The following ADGRL2 variants were observed in gnomAD, a reference collection of about 807,000 sequenced individuals.
The protein encoded by ADGRL2 is adhesion G protein-coupled receptor L2.
Under a neutral mutation model 157.4 loss-of-function variants are expected in ADGRL2, and 44 were observed. That is an observed-to-expected ratio of 0.28 (90% confidence interval 0.22 to 0.36). The LOEUF is 0.36. Among genes scored for constraint, ADGRL2 ranks in the 10% least tolerant of loss-of-function variants. The pLI is 1.00. For synonymous variants in ADGRL2, 585 were observed against 624.7 expected, an observed-to-expected ratio of 0.94 and a Z score of 0.95; for missense variants, 1,510 against 1,768.9, an observed-to-expected ratio of 0.85 and a Z score of 2.63.
At chr1:81,521,915 T>C (rs1432606015) in intron 2 of ADGRL2, among the ~76,000 whole-genome samples, 2 of 152,142 alleles carry the variant, frequency 1.3e-5, no homozygotes, top group Non-Finnish European at 2.9e-5. Context: ...TGAGAAGATA[T>C]CGTCATTGGC....
At chr1:81,691,875 T>G (rs2083342243) in intron 3 of ADGRL2, among the ~76,000 whole-genome samples, 1 of 138,980 alleles carries the variant, frequency 7.2e-6, no homozygotes, top group Admixed American at 7.5e-5. Flanking sequence ...TGGGTGTGTG[T>G]GTGTGTATAT....
intron 7 of ADGRL2, 103 bp downstream of exon 7, chr1:81,950,585 T>C (rs1651460634): frequency 3.6e-6 from 4 of 1,108,334 alleles, no homozygotes; most frequent in Admixed American, 5.0e-5. Context: ...TTACAGTAGC[T>C]AACTTTATTT....
At chr1:81,580,574 T>C (rs910604762) in intron 2 of ADGRL2, among the ~76,000 whole-genome samples, 3 of 152,088 alleles carry the variant, frequency 2.0e-5, no homozygotes, top group Admixed American at 1.3e-4. Context: ...ATATGGTCTA[T>C]GTTAAAGGAG....
chr1:81,593,675 A>C (rs568403668), intron 3 of ADGRL2, among the ~76,000 whole-genome samples: 1 of 152,168 alleles, frequency 6.6e-6, no homozygotes, highest in African/African-American at 2.4e-5. Flanking sequence ...AGAATAGTCT[A>C]CCGTCAGCAA....
chr1:81,917,411 T>G (rs1318780919), intron 3 of ADGRL2, among the ~76,000 whole-genome samples: 3 of 152,182 alleles, frequency 2.0e-5, no homozygotes, highest in Non-Finnish European at 4.4e-5. Context: ...TTTAAGTATA[T>G]TATAGCAATG....
intron 2 of ADGRL2, among the ~76,000 whole-genome samples, chr1:81,445,602 T>A (rs1347541522): frequency 6.6e-6 from 1 of 152,210 alleles, no homozygotes; most frequent in Non-Finnish European, 1.5e-5. Context: ...TGAATCATGA[T>A]CATCATTTGC....
intron 1 of ADGRL2, among the ~76,000 whole-genome samples, chr1:81,409,837 T>G (rs1269840835): frequency 1.3e-5 from 2 of 152,204 alleles, no homozygotes; most frequent in African/African-American, 4.8e-5. Flanking sequence ...TCTGCAGGAT[T>G]CATAGTAATC....
chr1:81,610,584 G>A (rs900106112), intron 3 of ADGRL2, among the ~76,000 whole-genome samples: 4 of 152,146 alleles, frequency 2.6e-5, no homozygotes, highest in African/African-American at 7.2e-5. Context: ...TAGTAAGGGA[G>A]CAACATCAAA....
At chr1:81,571,784 C>T (rs1253703448) in intron 2 of ADGRL2, among the ~76,000 whole-genome samples, 3 of 152,020 alleles carry the variant, frequency 2.0e-5, no homozygotes, top group Non-Finnish European at 2.9e-5. Context: ...ATTATGAATA[C>T]TTCATATTTT....
intron 1 of ADGRL2, among the ~76,000 whole-genome samples, chr1:81,821,079 T>C (rs1000572423): frequency 1.3e-5 from 2 of 152,172 alleles, no homozygotes; most frequent in African/African-American, 4.8e-5. Flanking sequence ...GTAATCAGCA[T>C]GAAATAAAGG....
At chr1:81,948,827 G>C (rs1650795706) in intron 6 of ADGRL2, among the ~76,000 whole-genome samples, 1 of 152,144 alleles carries the variant, frequency 6.6e-6, no homozygotes, top group South Asian at 2.1e-4. Flanking sequence ...TTCTCTTGAG[G>C]TAGAGGGGGG....
chr1:81,813,962 T>G (rs1331401025), intron 1 of ADGRL2, among the ~76,000 whole-genome samples: 7 of 151,682 alleles, frequency 4.6e-5, no homozygotes, highest in African/African-American at 1.7e-4. Flanking sequence ...TCTACCTGTT[T>G]TGTCTTAAAT....
chr1:81,843,840 CTTGA>C (rs2092690064), intron 2 of ADGRL2, among the ~76,000 whole-genome samples: 1 of 152,116 alleles, frequency 6.6e-6, no homozygotes, highest in African/African-American at 2.4e-5. Flanking sequence ...AGTTCAAGTG[CTTGA>C]TTGTCGATTT....
chr1:81,826,891 A>G (rs1273438778), intron 1 of ADGRL2, among the ~76,000 whole-genome samples: 1 of 152,198 alleles, frequency 6.6e-6, no homozygotes. Flanking sequence ...TGTCTTATAT[A>G]TATAATGTTG....
At chr1:81,383,499 TAGAAAAGAGTTTGTCAAAAA>T (rs1448536078) in intron 1 of ADGRL2, among the ~76,000 whole-genome samples, 1 of 152,084 alleles carries the variant, frequency 6.6e-6, no homozygotes, top group Non-Finnish European at 1.5e-5. Flanking sequence ...AAAACTTCTC[TAGAAAAGAGTTTGTCAAAAA>T]AGCTCAACTT....
At chr1:81,344,241 T>C (rs574815903) in intron 1 of ADGRL2, among the ~76,000 whole-genome samples, 6 of 152,260 alleles carry the variant, frequency 3.9e-5, no homozygotes, top group Middle Eastern at 3.4e-3. Context: ...TAATTCGATG[T>C]TCTATGATAG....
At chr1:81,483,709 G>T (rs1198396656) in intron 2 of ADGRL2, among the ~76,000 whole-genome samples, 2 of 152,138 alleles carry the variant, frequency 1.3e-5, no homozygotes, top group African/African-American at 2.4e-5. Flanking sequence ...ATGTTAACCA[G>T]GTTATTCCTT....
chr1:81,946,081 T>G (rs1649720659), intron 6 of ADGRL2, among the ~76,000 whole-genome samples: 1 of 152,092 alleles, frequency 6.6e-6, no homozygotes, highest in African/African-American at 2.4e-5. Context: ...AGAAATGAGG[T>G]CTTTTGCCTG....
At chr1:81,382,982 A>G (rs555369260) in intron 1 of ADGRL2, among the ~76,000 whole-genome samples, 1 of 152,268 alleles carries the variant, frequency 6.6e-6, no homozygotes, top group Admixed American at 6.5e-5. Context: ...ACAATTGTCC[A>G]TGCGTTCATT....
Sources: allele counts gnomAD v4.1 joint callset (sites outside exome capture counted in the v4.1 genomes callset), GRCh38; gene constraint gnomAD v4.1.1; transcripts MANE v1.5; gene names NCBI Gene and HGNC (gene_info 2026-07-23, HGNC 2026-07-21).